Variants in KITLG observed in about 807,000 individuals in gnomAD.
KITLG encodes KIT ligand.
A neutral mutation model predicts 34.1 loss-of-function variants in KITLG; 13 were observed. That is an observed-to-expected ratio of 0.38 (90% CI 0.25 to 0.61). The LOEUF is 0.61. Among genes scored for constraint, KITLG ranks in the 20% least tolerant of loss-of-function variants. The pLI is 0.60. For missense variants in KITLG, 292 were observed against 318.9 expected (o/e 0.92, Z 0.64); for synonymous variants, 110 against 104.0 (o/e 1.06, Z -0.35).
intron 2 of KITLG, among the ~76,000 whole-genome samples, chr12:88,533,972 T>A (rs1027026845): frequency 3.9e-5 from 6 of 152,164 alleles, no homozygotes; most frequent in Admixed American, 2.0e-4. Context: ...AGGCACTTAG[T>A]ATGGTTCCTC....
At chr12:88,547,035 G>A (rs547023622) in intron 1 of KITLG, among the ~76,000 whole-genome samples, 2 of 152,174 alleles carry the variant, frequency 1.3e-5, no homozygotes, top group Admixed American at 6.5e-5. Context: ...AAAGATGAAC[G>A]TTCCAGGAAA....
chr12:88,522,167 C>T (rs1225143889), intron 3 of KITLG, among the ~76,000 whole-genome samples: 1 of 152,128 alleles, frequency 6.6e-6, no homozygotes, highest in African/African-American at 2.4e-5. Context: ...AATATATGCA[C>T]ATTCTAAGAC....
At chr12:88,564,072 T>C (rs1871372312) in intron 1 of KITLG, 1 of 152,214 alleles carries the variant, frequency 6.6e-6, no homozygotes, top group Non-Finnish European at 1.5e-5. Flanking sequence ...GTTATCTCTA[T>C]TTTAGAAGAT....
intron 2 of KITLG, among the ~76,000 whole-genome samples, chr12:88,540,752 AATCT>A (rs1340699761): frequency 3.3e-5 from 5 of 152,196 alleles, no homozygotes; most frequent in Non-Finnish European, 7.4e-5. Flanking sequence ...ATAATATAGC[AATCT>A]ATCTAGAGTT....
chr12:88,572,595 T>TTA (rs58146008), intron 1 of KITLG, among the ~76,000 whole-genome samples: 95,156 of 134,648 alleles, frequency 0.71, 35,054 homozygotes, highest in Non-Finnish European at 0.84. Flanking sequence ...ATATACATTA[T>TTA]TATATATATA....
At position 88,497,940 on chromosome 12, in the gene KITLG, A is replaced by G. The variant is rs117829646; in HGVS notation, c.*38-759T>C. 1.3e-4 allele frequency among the ~76,000 whole-genome samples: 20 copies of G among 152,332 alleles called. 1 individual carries two copies. The East Asian group carries it at 3.5e-3, about 26-fold the overall frequency. ...ACTGTAATCTTGGCACCGCATCCCA[A>G]CAAAGTTCTGGGGAAAGTTCGTTTG... On this transcript the variant is annotated intron_variant, in intron 9 of 9. Transcript: ENST00000644744.
intron 1 of KITLG, among the ~76,000 whole-genome samples, chr12:88,546,332 T>A (rs1870718718): frequency 6.6e-6 from 1 of 152,220 alleles, no homozygotes; most frequent in African/African-American, 2.4e-5. Flanking sequence ...CAAGTTAAAG[T>A]GAGAGAGATG....
At chr12:88,518,662 G>T (rs375920552) in intron 4 of KITLG, 35 bp downstream of exon 4, 4 of 1,551,958 alleles carry the variant, frequency 2.6e-6, no homozygotes, top group Admixed American at 3.3e-5. Context: ...TTAGAGAAGC[G>T]TAATGAAAAA....
intron 3 of KITLG, among the ~76,000 whole-genome samples, chr12:88,525,801 C>T (rs1474467069): frequency 2.0e-5 from 3 of 152,082 alleles, no homozygotes; most frequent in Non-Finnish European, 4.4e-5. Flanking sequence ...GACCACCAAG[C>T]TCCAGCATCA....
chr12:88,499,169 A>G (rs542724328), intron 9 of KITLG, among the ~76,000 whole-genome samples: 1 of 152,266 alleles, frequency 6.6e-6, no homozygotes, highest in African/African-American at 2.4e-5. Flanking sequence ...ATTCTACACC[A>G]AAGAGTCAAG....
chr12:88,560,517 A>G (rs1871259957), intron 1 of KITLG, among the ~76,000 whole-genome samples: 2 of 152,264 alleles, frequency 1.3e-5, no homozygotes, highest in South Asian at 4.1e-4. Flanking sequence ...CTGCCCCCTG[A>G]GCTTGGATTT....
chr12:88,546,746 A>T (rs1870732735), intron 1 of KITLG, among the ~76,000 whole-genome samples: 1 of 152,188 alleles, frequency 6.6e-6, no homozygotes, highest in Non-Finnish European at 1.5e-5. Flanking sequence ...GCTCAAATTC[A>T]ATAACCATTT....
At chr12:88,565,731 G>C (rs1871422971) in intron 1 of KITLG, among the ~76,000 whole-genome samples, 1 of 152,164 alleles carries the variant, frequency 6.6e-6, no homozygotes, top group South Asian at 2.1e-4. Flanking sequence ...TTTGATGACT[G>C]AGAGTTGTAA....
At chr12:88,553,346 A>G (rs73439039) in intron 1 of KITLG, among the ~76,000 whole-genome samples, 2,145 of 152,310 alleles carry the variant, frequency 0.014, 57 homozygotes, top group African/African-American at 0.049. Flanking sequence ...ACACACGCTC[A>G]CACACACCCT....
At chr12:88,518,054 T>C (rs1039113076) in intron 4 of KITLG, among the ~76,000 whole-genome samples, 7 of 152,166 alleles carry the variant, frequency 4.6e-5, no homozygotes, top group Non-Finnish European at 1.0e-4. Context: ...AAAGTACTCA[T>C]GGCAAATAAC....
intron 1 of KITLG, among the ~76,000 whole-genome samples, chr12:88,559,987 T>G (rs965243000): frequency 6.6e-6 from 1 of 152,240 alleles, no homozygotes; most frequent in African/African-American, 2.4e-5. Context: ...TTTATGAAGA[T>G]GATGACATTT....
chr12:88,534,883 CAG>C (rs2120885406), intron 2 of KITLG: 1 of 297,854 alleles, frequency 3.4e-6, no homozygotes, highest in East Asian at 1.2e-4. Flanking sequence ...GTGACAAAGA[CAG>C]AGCAGACCTG....
At chr12:88,506,260 G>T in intron 8 of KITLG, 51 bp downstream of exon 8, 1 of 1,251,264 alleles carries the variant, frequency 8.0e-7, no homozygotes, top group Non-Finnish European at 1.2e-6. Context: ...CACAGTGTGT[G>T]AAATGGCAAT....
At position 88,577,308 on chromosome 12, in the gene KITLG, C is replaced by G. The variant is rs989105902; in HGVS notation, c.15+2956G>C. Among the ~76,000 whole-genome samples, 26 of 152,182 alleles carry G rather than the reference C, an allele frequency of 1.7e-4. 1 individual carries two copies. Among genetic ancestry groups the G allele is most frequent in the Middle Eastern group, 6.8e-3 (2 of 294 alleles). ...CTGAGAGTTAGTATGCCTAAAATGG[C>G]CTTTTTTACATTGTTTGCAAGATCA... On this transcript the variant is annotated intron_variant, in intron 1 of 9. Transcript: ENST00000644744.
Sources: gnomAD v4.1 joint callset for allele counts (sites outside exome capture counted in the v4.1 genomes callset) on GRCh38, gnomAD v4.1.1 for gene constraint, MANE v1.5 for transcripts, NCBI Gene and HGNC (gene_info 2026-07-23, HGNC 2026-07-21) for gene names.